EFHD2: variants seen among roughly 807,000 people sequenced by gnomAD.
The protein encoded by EFHD2 is EF-hand domain family member D2, also known as EF-hand domain-containing protein D2.
Under a neutral mutation model 20.3 loss-of-function variants are expected in EFHD2, and 12 were observed. That is an observed-to-expected ratio of 0.59 (90% confidence interval 0.38 to 0.96). EFHD2 has a LOEUF of 0.96. Ranked by LOEUF, EFHD2 falls within the 40% of genes least tolerant of loss-of-function variation. The pLI, the probability that EFHD2 is intolerant of heterozygous loss-of-function variation, is 0.00. For missense variants in EFHD2, 250 were observed against 334.3 expected, an observed-to-expected ratio of 0.75 and a Z score of 1.97; for synonymous variants, 131 against 143.9, an observed-to-expected ratio of 0.91 and a Z score of 0.64.
chr1:15,426,110 G>GTCATTCATTC lies in EFHD2; in HGVS notation c.456+92_456+93insTCATTCATTC. On this transcript the variant is annotated intron_variant, in intron 2 of 3. Coordinates refer to ENST00000375980, the MANE Select transcript of EFHD2 (RefSeq NM_024329.6). This position sits in a 1 kb window ranked among gnomAD's most constrained non-coding sequence, Gnocchi z 4.6. ...AGACCAACCCCCACCCTTTGTCAATGAATGAATGACATTGCCATTGAACAG... is the reference window on the plus strand; with the variant it reads ...AGACCAACCCCCACCCTTTGTCAATGTCATTCATTCAATGAATGACATTGCCATTGAACAG... 1 of 1,307,874 alleles carries GTCATTCATTC rather than the reference G, an allele frequency of 7.6e-7. No individual in the cohort carries two copies. Among genetic ancestry groups the GTCATTCATTC allele is most frequent in the African/African-American group, 1.5e-5 (1 of 65,156 alleles). 81.0% of individuals were successfully genotyped at this position (1,307,874 alleles called of 1,614,324 possible). A position where few individuals can be genotyped will look rare whatever the true frequency, so the allele number is the denominator to read the frequency against.
At chr1:15,419,620 C>T (rs1322987665) in intron 1 of EFHD2, among the ~76,000 whole-genome samples, 1 of 152,178 alleles carries the variant, frequency 6.6e-6, no homozygotes, top group Non-Finnish European at 1.5e-5. Context: ...CACTGTGGGC[C>T]CCAGTTTCCC....
At chr1:15,418,493 G>C (rs1291197831) in intron 1 of EFHD2, among the ~76,000 whole-genome samples, 1 of 150,734 alleles carries the variant, frequency 6.6e-6, no homozygotes, top group Non-Finnish European at 1.5e-5. Flanking sequence ...TTTTAGTAGA[G>C]ACGGGGTTTC....
Position 15,429,264 on chromosome 1 carries a change from C to T in EFHD2, c.*540C>T, listed in dbSNP as rs1012500964. 17 of 156,760 alleles carry T rather than the reference C, an allele frequency of 1.1e-4. No homozygotes were observed. Among genetic ancestry groups the T allele is most frequent in the Admixed American group, 9.4e-4 (15 of 15,938 alleles). The allele number at this position is 156,760 out of a possible 1,614,324, so 9.7% of individuals were successfully genotyped here. On this transcript the variant is annotated 3_prime_UTR_variant, in exon 4 of 4. Coordinates refer to ENST00000375980, the MANE Select transcript of EFHD2 (RefSeq NM_024329.6). The stretch of plus-strand genomic sequence containing the variant: ...GGCACGAGGGGACCCCTCCCCAGGG[C>T]CTTTTCCTCCTCTGCGTCTTCCATC...
At chr1:15,417,612 C>T (rs1707695655) in intron 1 of EFHD2, among the ~76,000 whole-genome samples, 1 of 152,170 alleles carries the variant, frequency 6.6e-6, no homozygotes, top group Admixed American at 6.5e-5. Flanking sequence ...CTTAGCTGAA[C>T]TAGGGCAAGA....
At chr1:15,416,121 C>T (rs1381543077) in intron 1 of EFHD2, among the ~76,000 whole-genome samples, 1 of 152,186 alleles carries the variant, frequency 6.6e-6, no homozygotes, top group Non-Finnish European at 1.5e-5. Flanking sequence ...CTCTGAGTCA[C>T]CTCTCCTTCC....
intron 1 of EFHD2, among the ~76,000 whole-genome samples, chr1:15,423,960 T>G (rs545091545): frequency 6.6e-6 from 1 of 151,968 alleles, no homozygotes; most frequent in South Asian, 2.1e-4. Flanking sequence ...GAGGCTGATG[T>G]AGGAGGATTG....
chr1:15,412,379 G>A (rs971115319), intron 1 of EFHD2, among the ~76,000 whole-genome samples: 2 of 152,134 alleles, frequency 1.3e-5, no homozygotes, highest in Admixed American at 6.6e-5. Context: ...AGAGCTCTTC[G>A]TCACCTTTGT....
chr1:15,409,922 G>C lies in EFHD2; in HGVS notation c.-50G>C. Reference sequence around the variant, plus strand: ...GAAGAGGAAGAGCGCGGCCGGCGGCGCTGCGCTGAGAGCAGGGGCCCGGCC... The same window carrying C: ...GAAGAGGAAGAGCGCGGCCGGCGGCCCTGCGCTGAGAGCAGGGGCCCGGCC... On this transcript the variant is annotated 5_prime_UTR_variant, in exon 1 of 4. Transcript: ENST00000375980. The C allele has an allele frequency of 8.3e-7, 1 of 1,202,232 alleles. No homozygotes were observed. The highest frequency in any genetic ancestry group is 1.0e-6 in the Non-Finnish European group (1 of 970,808). 74.5% of individuals were successfully genotyped at this position (1,202,232 alleles called of 1,614,324 possible). A position where few individuals can be genotyped will look rare whatever the true frequency, so the allele number is the denominator to read the frequency against.
chr1:15,424,752 C>T (rs145571755), intron 1 of EFHD2, among the ~76,000 whole-genome samples: 163 of 152,268 alleles, frequency 1.1e-3, no homozygotes, highest in African/African-American at 3.7e-3. Context: ...CATTTTTGAG[C>T]ACCTACTGTG....
Position 15,425,890 on chromosome 1 carries a change from G to A in EFHD2, c.328G>A (p.Gly110Ser), listed in dbSNP as rs1477719188. Residue 110 changes from glycine to serine, a missense_variant, in exon 2 of 4, where the codon GGC (glycine) becomes AGC (serine). Around this residue, in one of 3 missense-constraint regions of EFHD2, gnomAD observed 143 missense variants for 190.6 expected, o/e 0.75. Coordinates refer to ENST00000375980, the MANE Select transcript of EFHD2 (RefSeq NM_024329.6). ...MFKQYDAGRD[G>S]FIDLMELKLM... ...CTGCAGGTATGATGCCGGGCGGGAC[G>A]GCTTCATCGACCTGATGGAGCTAAA... The A allele has an allele frequency of 4.4e-6, 7 of 1,606,806 alleles. No homozygotes were observed. The highest frequency in any genetic ancestry group is 2.3e-5 in the East Asian group (1 of 44,132).
chr1:15,419,236 G>C (rs564962501), intron 1 of EFHD2, among the ~76,000 whole-genome samples: 24 of 152,322 alleles, frequency 1.6e-4, no homozygotes, highest in African/African-American at 5.8e-4. Context: ...GCTTTCGAGA[G>C]GGGGATGGAT....
At chr1:15,425,795 CA>C in intron 1 of EFHD2, 75 bp from the exon 2 acceptor site, 2 of 1,547,546 alleles carry the variant, frequency 1.3e-6, no homozygotes, top group Non-Finnish European at 1.7e-6. Context: ...TCTGATCCCC[CA>C]GTCTCCTTGC....
At chr1:15,419,204 T>G (rs1707743916) in intron 1 of EFHD2, among the ~76,000 whole-genome samples, 1 of 152,154 alleles carries the variant, frequency 6.6e-6, no homozygotes, top group African/African-American at 2.4e-5. Context: ...AGGGTCGTCC[T>G]TGGGGGGTAA....
intron 1 of EFHD2, among the ~76,000 whole-genome samples, chr1:15,418,328 T>A (rs34090759): frequency 2.5e-4 from 24 of 95,022 alleles, no homozygotes; most frequent in Non-Finnish European, 4.5e-4. Flanking sequence ...TTTTTTGAGA[T>A]GGAGTCTCGC....
intron 1 of EFHD2, among the ~76,000 whole-genome samples, chr1:15,419,162 C>G (rs1707743006): frequency 6.6e-6 from 1 of 152,180 alleles, no homozygotes; most frequent in Admixed American, 6.5e-5. Flanking sequence ...AGGGAAGCAA[C>G]CAGCTGGGGA....
chr1:15,423,796 G>T (rs1048797857), intron 1 of EFHD2, among the ~76,000 whole-genome samples: 1 of 152,140 alleles, frequency 6.6e-6, no homozygotes, highest in South Asian at 2.1e-4. Flanking sequence ...GGGACATAGG[G>T]TTCTGGAACA....
chr1:15,423,255 C>T (rs1265896823), intron 1 of EFHD2, among the ~76,000 whole-genome samples: 1 of 152,226 alleles, frequency 6.6e-6, no homozygotes, highest in Non-Finnish European at 1.5e-5. Context: ...TGGCCACTGC[C>T]CACAGGGGCT....
intron 1 of EFHD2, among the ~76,000 whole-genome samples, chr1:15,424,385 C>T (rs1335597350): frequency 1.3e-5 from 2 of 152,132 alleles, no homozygotes; most frequent in African/African-American, 4.8e-5. Context: ...CCCAGCCAGG[C>T]AACAGGCAGA....
At chr1:15,422,085 A>ATT (rs71000400) in intron 1 of EFHD2, among the ~76,000 whole-genome samples, 1,203 of 86,534 alleles carry the variant, frequency 0.014, 32 homozygotes, top group African/African-American at 0.021. Flanking sequence ...AGGTCATTCC[A>ATT]TTTTTTTTTT....
Sources: allele counts gnomAD v4.1 joint callset (sites outside exome capture counted in the v4.1 genomes callset), GRCh38; gene constraint gnomAD v4.1.1; regional missense constraint gnomAD v4.1.1; non-coding constraint Gnocchi (gnomAD v3.1); transcripts MANE v1.5; gene names NCBI Gene and HGNC (gene_info 2026-07-23, HGNC 2026-07-21).